RNASET2: variants seen among roughly 807,000 people sequenced by gnomAD.
The protein encoded by RNASET2 is ribonuclease T2, also known as ribonuclease 6.
In RNASET2, 28 loss-of-function variants were observed where a neutral mutation model predicts 33.9. The ratio of observed to expected loss-of-function variants is 0.83; its 90% CI spans 0.61 to 1.13. The LOEUF (loss-of-function observed/expected upper bound fraction) is 1.13. RNASET2 is among the 50% of genes most tolerant of loss of function. The pLI is 0.00. For synonymous variants in RNASET2, 123 were observed against 121.0 expected, an observed-to-expected ratio of 1.02 and a Z score of -0.11; for missense variants, 330 against 319.9, an observed-to-expected ratio of 1.03 and a Z score of -0.24.
At chr6:166,943,153 G>A (rs1778733836) in intron 4 of RNASET2, 64 bp from the exon 5 acceptor site, 4 of 1,230,582 alleles carry the variant, frequency 3.3e-6, no homozygotes, top group Non-Finnish European at 4.7e-6. Context: ...AACCTAGAAG[G>A]TAAATTTGAT....
rs1778343151 is a variant in RNASET2, at chr6:166,928,591, G to C, written c.*997C>G. Among the ~76,000 whole-genome samples the C allele has an allele frequency of 6.6e-6, 1 of 152,134 alleles. No homozygotes were observed. The stretch of plus-strand genomic sequence containing the variant: ...ATAAATAGGACGTTAATGTGATTAA[G>C]ACAAACAGAGAAAAGGATTTAAAGA... On this transcript the variant is annotated 3_prime_UTR_variant, in exon 9 of 9. Transcript: ENST00000508775.
At chr6:166,946,540 C>A in intron 4 of RNASET2, 142 bp downstream of exon 4, 1 of 681,968 alleles carries the variant, frequency 1.5e-6, no homozygotes, top group Non-Finnish European at 2.7e-6. Context: ...ACAATACTTA[C>A]TAAAACAGCA....
intron 2 of RNASET2, 108 bp from the exon 3 acceptor site, chr6:166,948,733 G>A (rs2128646724): frequency 1.3e-6 from 1 of 764,650 alleles, no homozygotes; most frequent in Non-Finnish European, 2.4e-6. Context: ...ATGCCAACGA[G>A]ATACAGGTAC....
intron 6 of RNASET2, among the ~76,000 whole-genome samples, chr6:166,936,996 G>A (rs73789704): frequency 0.048 from 7,242 of 152,228 alleles, 536 homozygotes; most frequent in African/African-American, 0.15. Context: ...TGAGACCCCT[G>A]TTTTGAAACA....
At position 166,946,722 on chromosome 6, in the gene RNASET2, C is replaced by T. The variant is rs760285467; in HGVS notation, c.221G>A (p.Gly74Glu). The change falls in exon 4 of 9, where the codon GGA becomes GAA. Residue 74 changes from glycine (G) to glutamate (E), a missense_variant. Gly to Glu is a moderately conservative substitution (Grantham distance 98, BLOSUM62 -2). Coordinates refer to ENST00000508775, the MANE Select transcript of RNASET2 (RefSeq NM_003730.6). ...IHGLWPDKSE[G>E]CNRSWPFNLE... ...ATTGAAGGGCCACGATCTATTACAT[C>T]CTTCACTTTTATCGGGCCTGGAAAT... 1.9e-6 allele frequency: 3 copies of T among 1,568,218 alleles called. No individual in the cohort carries two copies. Among genetic ancestry groups the T allele is most frequent in the East Asian group, 2.3e-5 (1 of 43,796 alleles).
intron 4 of RNASET2, among the ~76,000 whole-genome samples, chr6:166,944,671 C>T (rs752463366): frequency 3.3e-5 from 5 of 152,018 alleles, no homozygotes; most frequent in South Asian, 4.1e-4. Context: ...CACAGACCCA[C>T]GACCCACCCA....
intron 4 of RNASET2, chr6:166,943,582 G>A (rs1778746523): frequency 3.0e-6 from 1 of 338,012 alleles, no homozygotes; most frequent in Non-Finnish European, 5.8e-6. Flanking sequence ...GGGGTTTAGG[G>A]CCAGCGGCTG....
At chr6:166,946,491 G>A (rs558125847) in intron 4 of RNASET2, among the ~76,000 whole-genome samples, 191 bp downstream of exon 4, 1 of 152,214 alleles carries the variant, frequency 6.6e-6, no homozygotes, top group African/African-American at 2.4e-5. Context: ...GGGGAGGAGA[G>A]GGAAAAGGTC....
intron 4 of RNASET2, among the ~76,000 whole-genome samples, chr6:166,944,530 G>A (rs923561271): frequency 1.6e-5 from 2 of 121,786 alleles, no homozygotes; most frequent in Non-Finnish European, 3.2e-5. Context: ...TCAGCTCTCC[G>A]AGATGTCCTA....
rs137968522 is a variant in RNASET2 at position 166,929,749 on chromosome 6, T to C, written c.610A>G (p.Thr204Ala). ...QTIGQIELCLTKQDQQLQNCT... is the reference protein window; with the variant it reads ...QTIGQIELCLAKQDQQLQNCT... ...TTTTGCAGCTGCTGGTCTTGCTTAG[T>C]GAGGCACAGTTCTATCTGACCAATT... The change falls in exon 9 of 9, where the codon ACT becomes GCT. Residue 204 changes from threonine (T) to alanine (A), a missense_variant. Thr to Ala is a moderately conservative substitution (Grantham distance 58). Coordinates refer to ENST00000508775, the MANE Select transcript of RNASET2 (RefSeq NM_003730.6). The C allele has an allele frequency of 3.6e-5, 58 of 1,614,192 alleles. No individual in the cohort carries two copies. The African/African-American group carries it at 6.5e-4, about 18-fold the overall frequency.
At chr6:166,943,113 G>C in intron 4 of RNASET2, 24 bp from the exon 5 acceptor site, 1 of 1,561,544 alleles carries the variant, frequency 6.4e-7, no homozygotes, top group Non-Finnish European at 8.8e-7. Context: ...AATAAAATAA[G>C]TCTACGCAGG....
At chr6:166,952,649 G>T in intron 1 of RNASET2, 101 bp from the exon 2 acceptor site, 1 of 909,972 alleles carries the variant, frequency 1.1e-6, no homozygotes. Flanking sequence ...TCAGCACTGA[G>T]TGCTGTGGGA....
At chr6:166,950,876 T>G (rs565280656) in intron 2 of RNASET2, among the ~76,000 whole-genome samples, 1 of 152,326 alleles carries the variant, frequency 6.6e-6, no homozygotes, top group African/African-American at 2.4e-5. Context: ...CATGGAGGGA[T>G]GTAGGGACCA....
At chr6:166,946,317 C>T (rs948401529) in intron 4 of RNASET2, among the ~76,000 whole-genome samples, 10 of 152,194 alleles carry the variant, frequency 6.6e-5, no homozygotes, top group Non-Finnish European at 1.0e-4. Context: ...CAGATTCCCA[C>T]GTCGGTCATC....
At chr6:166,944,359 T>G (rs1330822240) in intron 4 of RNASET2, among the ~76,000 whole-genome samples, 2 of 152,050 alleles carry the variant, frequency 1.3e-5, no homozygotes, top group African/African-American at 4.8e-5. Context: ...CCCTTTCTCC[T>G]GTTTTCCAGC....
At chr6:166,943,534 G>A (rs1001835757) in intron 4 of RNASET2, 2 of 329,708 alleles carry the variant, frequency 6.1e-6, no homozygotes, top group Non-Finnish European at 1.2e-5. Flanking sequence ...CGGTTGCTTG[G>A]GGGTTCAAGG....
Position 166,956,074 on chromosome 6 carries a change from C to G in RNASET2, c.86+23G>C, listed in dbSNP as rs369845314. 25 of 1,549,862 alleles carry G rather than the reference C, an allele frequency of 1.6e-5. No individual in the cohort carries two copies. In the African/African-American group the frequency reaches 3.0e-4, roughly 19 times the overall value. On this transcript the variant is annotated intron_variant, in intron 1 of 8. Coordinates refer to ENST00000508775, the MANE Select transcript of RNASET2 (RefSeq NM_003730.6). ...TAGGGCCCGGCTCCCACGCTCCCCA[C>G]TTTACCTCGCAAGGTAACTCACCGC...
Position 166,949,616 on chromosome 6 carries a change from GA to G in RNASET2, c.148-992del, listed in dbSNP as rs376245631. Among the ~76,000 whole-genome samples, 333 of 151,650 alleles carry G rather than the reference GA, an allele frequency of 2.2e-3. 2 individuals carry two copies. The highest frequency in any genetic ancestry group is 0.018 in the South Asian group (86 of 4,808). On this transcript the variant is annotated intron_variant, in intron 2 of 8. Coordinates refer to ENST00000508775, the MANE Select transcript of RNASET2 (RefSeq NM_003730.6). ...AAAAATCAGTTGAGGAAGTAGAACA[GA>G]AAGTCCTTACTGCTCAGTGCTGGAG...
intron 1 of RNASET2, among the ~76,000 whole-genome samples, chr6:166,954,942 G>C (rs986356404): frequency 6.6e-6 from 1 of 152,048 alleles, no homozygotes; most frequent in South Asian, 2.1e-4. Flanking sequence ...AGTGAGCTGA[G>C]GTCACGCCAC....
Sources: gnomAD v4.1 joint callset for allele counts (sites outside exome capture counted in the v4.1 genomes callset) on GRCh38, gnomAD v4.1.1 for gene constraint, MANE v1.5 for transcripts, NCBI Gene and HGNC (gene_info 2026-07-23, HGNC 2026-07-21) for gene names.